Variants in LRP1B observed in about 807,000 individuals in gnomAD.
LRP1B encodes low-density lipoprotein receptor-related protein 1B.
In LRP1B, 217 loss-of-function variants were observed where a neutral mutation model predicts 556.6. The observed-to-expected ratio is 0.39, with a 90% CI of 0.35 to 0.44. LRP1B has a LOEUF of 0.44. Among genes scored for constraint, LRP1B ranks in the 20% least tolerant of loss-of-function variants. The pLI is 1.00. For missense variants in LRP1B, 5,053 were observed against 5,620.8 expected, an observed-to-expected ratio of 0.90 and a Z score of 3.23; for synonymous variants, 2,047 against 1,865.8, an observed-to-expected ratio of 1.10 and a Z score of -2.50.
intron 1 of LRP1B, among the ~76,000 whole-genome samples, chr2:142,124,859 A>T (rs541756112): frequency 6.6e-6 from 1 of 151,486 alleles, no homozygotes; most frequent in East Asian, 1.9e-4. Flanking sequence ...ATAGAATCTC[A>T]ATTTAGGCTT....
chr2:140,847,736 C>A (rs1186970269), intron 29 of LRP1B, among the ~76,000 whole-genome samples: 1 of 149,422 alleles, frequency 6.7e-6, no homozygotes, highest in East Asian at 2.0e-4. Flanking sequence ...CACTGCACTC[C>A]AGCCTGGGAC....
At chr2:140,233,977 CTT>C (rs1680582420) in intron 90 of LRP1B, among the ~76,000 whole-genome samples, 1 of 151,250 alleles carries the variant, frequency 6.6e-6, no homozygotes, top group South Asian at 2.1e-4. Flanking sequence ...CAGCTGACCT[CTT>C]TGAGTTGGAA....
At chr2:141,948,923 T>C (rs760274930) in intron 1 of LRP1B, among the ~76,000 whole-genome samples, 4 of 152,128 alleles carry the variant, frequency 2.6e-5, no homozygotes, top group African/African-American at 7.2e-5. Flanking sequence ...ATCTTTGATA[T>C]TGATAATTGG....
chr2:140,984,297 C>T (rs558065882), intron 17 of LRP1B, among the ~76,000 whole-genome samples: 1 of 151,716 alleles, frequency 6.6e-6, no homozygotes, highest in African/African-American at 2.4e-5. Context: ...TCTTTGTTTT[C>T]CCTTATTTTT....
At chr2:140,292,233 T>C (rs1215136846) in intron 84 of LRP1B, among the ~76,000 whole-genome samples, 1 of 152,142 alleles carries the variant, frequency 6.6e-6, no homozygotes, top group East Asian at 1.9e-4. Flanking sequence ...GGACTAATAG[T>C]ATTAATCTCA....
intron 3 of LRP1B, among the ~76,000 whole-genome samples, chr2:141,467,281 ATGGTTTATAACTTCGGAGGTT>A (rs573220610): frequency 0.012 from 1,808 of 151,900 alleles, 34 homozygotes; most frequent in African/African-American, 0.04. Flanking sequence ...GTAAGTACCG[ATGGTTTATAACTTCGGAGGTT>A]TGGAAACTTT....
At chr2:142,070,051 G>A (rs138820885) in intron 1 of LRP1B, among the ~76,000 whole-genome samples, 1 of 151,780 alleles carries the variant, frequency 6.6e-6, no homozygotes, top group Admixed American at 6.6e-5. Flanking sequence ...CTTGTACGAG[G>A]CTCATATCAC....
intron 3 of LRP1B, among the ~76,000 whole-genome samples, chr2:141,440,211 C>T (rs951580127): frequency 6.6e-6 from 1 of 152,228 alleles, no homozygotes; most frequent in Non-Finnish European, 1.5e-5. Context: ...GTGACATAGG[C>T]AGGATTTGCG....
intron 2 of LRP1B, among the ~76,000 whole-genome samples, chr2:141,788,316 C>G (rs1358287793): frequency 6.6e-6 from 1 of 151,922 alleles, no homozygotes. Flanking sequence ...ATTTTGTGAG[C>G]TATTCTATTG....
At chr2:141,203,949 T>A (rs964895228) in intron 6 of LRP1B, among the ~76,000 whole-genome samples, 1 of 152,032 alleles carries the variant, frequency 6.6e-6, no homozygotes, top group African/African-American at 2.4e-5. Context: ...AATAACGAAA[T>A]GAAGGCAGAA....
At chr2:141,392,460 T>TAAA (rs10636398) in intron 3 of LRP1B, among the ~76,000 whole-genome samples, 27,990 of 95,666 alleles carry the variant, frequency 0.29, 5,041 homozygotes, top group East Asian at 0.65. Context: ...TGTCCTCTCT[T>TAAA]AAAAAAAAAA....
At chr2:141,826,561 A>G (rs576132045) in intron 1 of LRP1B, among the ~76,000 whole-genome samples, 19 of 152,092 alleles carry the variant, frequency 1.2e-4, no homozygotes, top group African/African-American at 4.1e-4. Flanking sequence ...GTGTTTCACC[A>G]TGTTAGCCAG....
At chr2:141,106,227 G>A (rs1394629287) in intron 7 of LRP1B, among the ~76,000 whole-genome samples, 1 of 151,988 alleles carries the variant, frequency 6.6e-6, no homozygotes, top group African/African-American at 2.4e-5. Flanking sequence ...TTATGTCATC[G>A]ACACTTCATT....
At chr2:141,881,355 G>C (rs866464583) in intron 1 of LRP1B, among the ~76,000 whole-genome samples, 1 of 152,012 alleles carries the variant, frequency 6.6e-6, no homozygotes, top group African/African-American at 2.4e-5. Flanking sequence ...TTGTGAGGAG[G>C]AAAGAGGAGT....
rs182416917 is a variant in LRP1B at position 141,944,227 on chromosome 2, T to C, written c.83-133826A>G. On this transcript the variant is annotated intron_variant, in intron 1 of 90. Transcript: ENST00000389484. ...ATTGTTTAGAATTCCTCATAGATGG[T>C]GATGATACACACTAGAGCAGCTTTT... 1.4e-3 allele frequency among the ~76,000 whole-genome samples: 220 copies of C among 152,308 alleles called. 1 individual carries two copies. The highest frequency in any genetic ancestry group is 5.0e-3 in the African/African-American group (209 of 41,568).
intron 27 of LRP1B, among the ~76,000 whole-genome samples, chr2:140,865,348 C>T (rs563502267): frequency 6.6e-6 from 1 of 151,830 alleles, no homozygotes; most frequent in Non-Finnish European, 1.5e-5. Flanking sequence ...TTTTATAGTA[C>T]TGAATGTCAT....
intron 43 of LRP1B, among the ~76,000 whole-genome samples, chr2:140,556,778 A>G (rs1403950703): frequency 6.6e-6 from 1 of 152,040 alleles, no homozygotes; most frequent in East Asian, 1.9e-4. Context: ...TAAGAAAGTG[A>G]CAAAGCTTTG....
At chr2:140,675,663 G>C (rs1177170029) in intron 41 of LRP1B, among the ~76,000 whole-genome samples, 1 of 152,148 alleles carries the variant, frequency 6.6e-6, no homozygotes, top group Non-Finnish European at 1.5e-5. Flanking sequence ...TGTAGTTCCA[G>C]CTACTCAGGA....
chr2:141,113,198 A>C (rs1299253332), intron 7 of LRP1B, among the ~76,000 whole-genome samples: 1 of 152,206 alleles, frequency 6.6e-6, no homozygotes, highest in Admixed American at 6.5e-5. Flanking sequence ...AATAGGAAGC[A>C]AGAAATTGCT....
Sources: allele counts gnomAD v4.1 joint callset (sites outside exome capture counted in the v4.1 genomes callset), GRCh38; gene constraint gnomAD v4.1.1; transcripts MANE v1.5; gene names NCBI Gene and HGNC (gene_info 2026-07-23, HGNC 2026-07-21).